FLT4: variants seen among roughly 807,000 people sequenced by gnomAD.
FLT4 encodes the protein vascular endothelial growth factor receptor 3.
FLT4 carries 30 observed loss-of-function variants against 163.2 expected under a neutral mutation model. The observed-to-expected ratio is 0.18, with a 90% CI of 0.14 to 0.25. The LOEUF (loss-of-function observed/expected upper bound fraction) is 0.25, where lower values mean the gene tolerates loss of function less well. FLT4 is among the 10% of genes least tolerant of loss of function. The probability of loss-of-function intolerance (pLI) is 1.00; values close to 1 mark genes in which losing one functional copy is unlikely to be tolerated. For missense variants in FLT4, 1,510 were observed against 1,863.8 expected (o/e 0.81, Z 3.50); for synonymous variants, 884 against 789.5 (o/e 1.12, Z -2.01).
At position 180,621,210 on chromosome 5, in the gene FLT4, A is replaced by T; in HGVS notation, c.2063T>A (p.Leu688Gln). 1 of 1,612,754 alleles carries T rather than the reference A, an allele frequency of 6.2e-7. No homozygotes were observed. The highest frequency in any genetic ancestry group is 8.5e-7 in the Non-Finnish European group (1 of 1,179,938). ...PRLTQNLTDL[L>Q]VNVSDSLEMQ... ...CTCCAGCGAGTCGCTCACGTTCACC[A>T]GGAGGTCGGTCAAGTTCTGCGTGAG... The change falls in exon 14 of 30, where the codon CTG (leucine) becomes CAG (glutamine). Residue 688 changes from leucine to glutamine, a missense_variant. Leu to Gln is a moderately radical substitution (Grantham distance 113). Coordinates refer to ENST00000261937, the MANE Select transcript of FLT4 (RefSeq NM_182925.5).
At position 180,611,497 on chromosome 5, in the gene FLT4, G is replaced by A. The variant is rs758503543; in HGVS notation, c.3538-18C>T. ...TCTTCCTCCTGGCGGGAACAGGAGAGGCAGCCAGGCCAGAAACCACCAGCC... is the reference window on the plus strand; with the variant it reads ...TCTTCCTCCTGGCGGGAACAGGAGAAGCAGCCAGGCCAGAAACCACCAGCC... On this transcript the variant is annotated intron_variant, in intron 26 of 29. Transcript: ENST00000261937. 4 of 1,612,212 alleles carry A rather than the reference G, an allele frequency of 2.5e-6. No individual in the cohort carries two copies. Among genetic ancestry groups the A allele is most frequent in the Non-Finnish European group, 2.5e-6 (3 of 1,179,616 alleles).
intron 1 of FLT4, 84 bp downstream of exon 1, chr5:180,649,404 G>T: frequency 1.9e-6 from 2 of 1,048,988 alleles, no homozygotes; most frequent in Non-Finnish European, 2.6e-6. Context: ...CCGGCGGAGC[G>T]GTCTCAGCGC....
At position 180,619,053 on chromosome 5, in the gene FLT4, G is replaced by C; in HGVS notation, c.2818C>G (p.Arg940Gly). The C allele has an allele frequency of 6.4e-7, 1 of 1,558,262 alleles. No individual in the cohort carries two copies. The change falls in exon 20 of 30, where the codon CGC (arginine) becomes GGC (glycine). Residue 940 changes from arginine (R) to glycine (G), a missense_variant. Transcript: ENST00000261937. ...CKYGNLSNFLRAKRDAFSPCA... is the reference protein window; with the variant it reads ...CKYGNLSNFLGAKRDAFSPCA... The stretch of plus-strand genomic sequence containing the variant: ...GGGCTGAAGGCGTCCCGCTTGGCGC[G>C]CAGGAAGTTGGAGAGGTTGCCGTAC...
At chr5:180,606,472 G>C (rs1761788463) in intron 29 of FLT4, among the ~76,000 whole-genome samples, 1 of 152,154 alleles carries the variant, frequency 6.6e-6, no homozygotes, top group South Asian at 2.1e-4. Context: ...CATGGTGCAG[G>C]CTCAGCCGTG....
Position 180,619,312 on chromosome 5 carries a change from A to C in FLT4, c.2702T>G (p.Ile901Ser). The C allele has an allele frequency of 1.2e-6, 2 of 1,611,188 alleles. No homozygotes were observed. The highest frequency in any genetic ancestry group is 1.7e-6 in the Non-Finnish European group (2 of 1,179,390). ...RALMSELKIL[I>S]HIGNHLNVVN... is the part of the protein sequence containing the mutation. ...CACGTTGAGGTGGTTGCCGATGTGA[A>C]TGAGGATCTTGAGCTCCGACATCAG... The change falls in exon 19 of 30, where the codon ATT becomes AGT. Residue 901 changes from isoleucine (I) to serine (S), a missense_variant. Coordinates refer to ENST00000261937, the MANE Select transcript of FLT4 (RefSeq NM_182925.5).
intron 1 of FLT4, among the ~76,000 whole-genome samples, chr5:180,648,391 C>G (rs1028111916): frequency 6.6e-6 from 1 of 152,338 alleles, no homozygotes; most frequent in South Asian, 2.1e-4. Flanking sequence ...GGGGAAGTGA[C>G]ACATGTCCTT....
intron 1 of FLT4, among the ~76,000 whole-genome samples, chr5:180,635,883 G>A (rs1312760913): frequency 1.5e-5 from 2 of 133,310 alleles, no homozygotes; most frequent in African/African-American, 5.8e-5. Context: ...GTGGATGGAT[G>A]GATGGGAGTA....
rs534300856 is a variant in FLT4 at position 180,611,204 on chromosome 5, C to A, written c.3686+127G>T. Reference sequence around the variant, plus strand: ...GGGTCATTTAAAGCCACTCTGTGCTCTGAGTTTGTGCACACTGGCCTCTGA... The same window carrying A: ...GGGTCATTTAAAGCCACTCTGTGCTATGAGTTTGTGCACACTGGCCTCTGA... On this transcript the variant is annotated intron_variant, in intron 27 of 29. Transcript: ENST00000261937. The A allele has an allele frequency of 6.8e-6, 8 of 1,178,738 alleles. No homozygotes were observed. The African/African-American group carries it at 1.2e-4, about 18-fold the overall frequency. 73.0% of individuals were successfully genotyped at this position (1,178,738 alleles called of 1,614,324 possible). A position where few individuals can be genotyped will look rare whatever the true frequency, so the allele number is the denominator to read the frequency against.
At chr5:180,615,398 T>C (rs68018566) in intron 23 of FLT4, among the ~76,000 whole-genome samples, 569 of 10,648 alleles carry the variant, frequency 0.053, 9 homozygotes, top group Middle Eastern at 0.12. Flanking sequence ...GAGCACTGGG[T>C]CCCGCTGGTC....
Position 180,619,242 on chromosome 5 carries a change from C to T in FLT4, c.2761+11G>A. 1.4e-5 allele frequency: 23 copies of T among 1,589,794 alleles called. No homozygotes were observed. Among genetic ancestry groups the T allele is most frequent in the Non-Finnish European group, 2.0e-5 (23 of 1,168,804 alleles). ...GGGTCTCGCCGTCCCAGCGGGCCGC[C>T]CGCTCCGTACCCTGCGGCTTGGTGC... is the stretch of plus-strand genomic sequence containing the variant. On this transcript the variant is annotated intron_variant, in intron 19 of 29. Transcript: ENST00000261937.
chr5:180,605,127 A>C (rs1181553164), intron 29 of FLT4, among the ~76,000 whole-genome samples: 1 of 152,142 alleles, frequency 6.6e-6, no homozygotes, highest in Admixed American at 6.5e-5. Context: ...CACCCAGCTA[A>C]TTTTTAAAAT....
chr5:180,648,289 C>A (rs771016178), intron 1 of FLT4, among the ~76,000 whole-genome samples: 129 of 152,336 alleles, frequency 8.5e-4, no homozygotes, highest in Non-Finnish European at 1.4e-3. Flanking sequence ...GACCTGCCCC[C>A]TCTCCTGTCC....
In FLT4 at chr5:180,616,381, C is replaced by G. The variant is rs760077499; in HGVS notation, c.3205G>C (p.Val1069Leu). ...CCTGCACTCACACTGCCCTTGCGGA[C>G]GTAGTCGGGGTCTTTGTAGATGTCC... is the stretch of plus-strand genomic sequence containing the variant. ...ARDIYKDPDYVRKGSARLPLK... is the reference protein window; with the variant it reads ...ARDIYKDPDYLRKGSARLPLK... The change falls in exon 23 of 30, where the codon GTC becomes CTC. Residue 1069 changes from valine (V) to leucine (L), a missense_variant. By Grantham distance (32) the Val-to-Leu change is conservative. Transcript: ENST00000261937. The G allele has an allele frequency of 5.6e-6, 9 of 1,613,866 alleles. No homozygotes were observed. The highest frequency in any genetic ancestry group is 7.6e-6 in the Non-Finnish European group (9 of 1,180,004).
Position 180,620,411 on chromosome 5 carries a change from GTT to G in FLT4, c.2407-105_2407-104del. ...CAGGACAGATGGCACTTCCTGCGGGGTTCTCAGTCAAGGAGGGGACAGAAAAA... is the reference window on the plus strand; with the variant it reads ...CAGGACAGATGGCACTTCCTGCGGGGCTCAGTCAAGGAGGGGACAGAAAAA... On this transcript the variant is annotated intron_variant, in intron 16 of 29. Coordinates refer to ENST00000261937, the MANE Select transcript of FLT4 (RefSeq NM_182925.5). This position sits in a 1 kb window ranked among gnomAD's most constrained non-coding sequence, Gnocchi z 4.4. The G allele has an allele frequency of 6.7e-7, 1 of 1,487,860 alleles. No homozygotes were observed. Among genetic ancestry groups the G allele is most frequent in the Non-Finnish European group, 9.3e-7 (1 of 1,074,060 alleles). The allele number at this position is 1,487,860 out of a possible 1,614,324, so 92.2% of individuals were successfully genotyped here.
At position 180,630,777 on chromosome 5, in the gene FLT4, C is replaced by T. The variant is rs2127839336; in HGVS notation, c.178G>A (p.Ala60Thr). The stretch of plus-strand genomic sequence containing the variant: ...GGCGCCTCCTGAGCTCCTGGCCAAG[C>T]CCACTCGAGGGGGTGCTGTCCCCTG... Reference protein sequence around the residue: ...SCRGQHPLEWAWPGAQEAPAT... With the variant: ...SCRGQHPLEWTWPGAQEAPAT... The change falls in exon 3 of 30, where the codon GCT (alanine) becomes ACT (threonine). Residue 60 changes from alanine to threonine, a missense_variant. Physicochemically the swap from Ala to Thr is moderately conservative, Grantham distance 58 (BLOSUM62 0). Coordinates refer to ENST00000261937, the MANE Select transcript of FLT4 (RefSeq NM_182925.5). The surrounding 1 kb of genome is among the most constrained non-coding windows in gnomAD (Gnocchi z 6.3). The T allele has an allele frequency of 6.2e-7, 1 of 1,606,012 alleles. No homozygotes were observed. The highest frequency in any genetic ancestry group is 8.5e-7 in the Non-Finnish European group (1 of 1,179,306).
At chr5:180,608,663 A>G (rs555776460) in intron 29 of FLT4, among the ~76,000 whole-genome samples, 1 of 151,868 alleles carries the variant, frequency 6.6e-6, no homozygotes, top group East Asian at 1.9e-4. Flanking sequence ...CCTGGAGGAG[A>G]GTGTGTGTGC....
At position 180,620,089 on chromosome 5, in the gene FLT4, A is replaced by G. The variant is rs925707327; in HGVS notation, c.2542+84T>C. ...GCGGAACTTCCTGGTGCAAGTTTTGAAAATGGAGGGATTCAGGCACTCCGG... is the reference window on the plus strand; with the variant it reads ...GCGGAACTTCCTGGTGCAAGTTTTGGAAATGGAGGGATTCAGGCACTCCGG... On this transcript the variant is annotated intron_variant, in intron 17 of 29. Coordinates refer to ENST00000261937, the MANE Select transcript of FLT4 (RefSeq NM_182925.5). The surrounding 1 kb of genome is among the most constrained non-coding windows in gnomAD (Gnocchi z 4.4). 1.8e-5 allele frequency: 28 copies of G among 1,516,534 alleles called. No homozygotes were observed. Among genetic ancestry groups the G allele is most frequent in the Non-Finnish European group, 2.4e-5 (27 of 1,122,954 alleles). 93.9% of individuals were successfully genotyped at this position (1,516,534 alleles called of 1,614,324 possible). A position where few individuals can be genotyped will look rare whatever the true frequency, so the allele number is the denominator to read the frequency against.
At chr5:180,633,575 T>C (rs1764333254) in intron 1 of FLT4, among the ~76,000 whole-genome samples, 1 of 152,158 alleles carries the variant, frequency 6.6e-6, no homozygotes, top group Non-Finnish European at 1.5e-5. Flanking sequence ...GGCCAGGGGC[T>C]GGGGGATCCC....
In FLT4 at chr5:180,620,446, A is replaced by T; in HGVS notation, c.2407-138T>A. On this transcript the variant is annotated intron_variant, in intron 16 of 29. Transcript: ENST00000261937. This position sits in a 1 kb window ranked among gnomAD's most constrained non-coding sequence, Gnocchi z 4.4. Reference sequence around the variant, plus strand: ...AAGGAGGGGACAGAAAAAAAGACAGACAACCTCTGCGGGGTTGGAGCCCAG... The same window carrying T: ...AAGGAGGGGACAGAAAAAAAGACAGTCAACCTCTGCGGGGTTGGAGCCCAG... 7.7e-7 allele frequency: 1 copy of T among 1,300,122 alleles called. No homozygotes were observed. The highest frequency in any genetic ancestry group is 1.1e-6 in the Non-Finnish European group (1 of 906,670). The allele number at this position is 1,300,122 out of a possible 1,614,324, so 80.5% of individuals were successfully genotyped here.
Sources: gnomAD v4.1 joint callset for allele counts (sites outside exome capture counted in the v4.1 genomes callset) on GRCh38, gnomAD v4.1.1 for gene constraint, Gnocchi (gnomAD v3.1) non-coding constraint, MANE v1.5 for transcripts, NCBI Gene and HGNC (gene_info 2026-07-23, HGNC 2026-07-21) for gene names.